SIPA1: variants seen among roughly 807,000 people sequenced by gnomAD.
SIPA1 encodes signal-induced proliferation-associated 1.
In SIPA1, 51 loss-of-function variants were observed where a neutral mutation model predicts 88.1. The observed-to-expected ratio is 0.58, with a 90% CI of 0.46 to 0.73. SIPA1 has a LOEUF of 0.73. Among genes scored for constraint, SIPA1 ranks in the 30% least tolerant of loss-of-function variants. The pLI is 0.00. For missense variants in SIPA1, 1,348 were observed against 1,467.6 expected, an observed-to-expected ratio of 0.92 and a Z score of 1.33; for synonymous variants, 681 against 664.8, an observed-to-expected ratio of 1.02 and a Z score of -0.37.
At position 65,646,039 on chromosome 11, in the gene SIPA1, C is replaced by A; in HGVS notation, c.1263+82C>A. The A allele has an allele frequency of 1.5e-6, 2 of 1,313,542 alleles. No homozygotes were observed. Among genetic ancestry groups the A allele is most frequent in the Non-Finnish European group, 2.1e-6 (2 of 935,224 alleles). The allele number at this position is 1,313,542 out of a possible 1,614,324, so 81.4% of individuals were successfully genotyped here. On this transcript the variant is annotated intron_variant, in intron 6 of 15. Coordinates refer to ENST00000534313, the MANE Select transcript of SIPA1 (RefSeq NM_006747.4). The surrounding 1 kb of genome is among the most constrained non-coding windows in gnomAD (Gnocchi z 7.5). Reference sequence around the variant, plus strand: ...TGGCCCATGACGTTTGAGCTTTGGCCGGAGCTCTGTTGGCCCCAACAGCCC... The same window carrying A: ...TGGCCCATGACGTTTGAGCTTTGGCAGGAGCTCTGTTGGCCCCAACAGCCC...
At chr11:65,649,728 C>G (rs1157403469) in intron 11 of SIPA1, 29 bp from the exon 12 acceptor site, 1 of 1,614,076 alleles carries the variant, frequency 6.2e-7, no homozygotes, top group South Asian at 1.1e-5. Flanking sequence ...GTGGGCATCA[C>G]TGAATCTGTA....
chr11:65,647,128 T>C (rs1856139933), intron 8 of SIPA1, 63 bp downstream of exon 8: 4 of 1,424,070 alleles, frequency 2.8e-6, no homozygotes, highest in Non-Finnish European at 2.7e-6. Flanking sequence ...TTTGGACCCC[T>C]CCCTCCCGCC....
chr11:65,642,129 C>G lies in SIPA1; in HGVS notation c.680-121C>G, dbSNP rs1229072624. On this transcript the variant is annotated intron_variant, in intron 2 of 15. Transcript: ENST00000534313. The surrounding 1 kb of genome is among the most constrained non-coding windows in gnomAD (Gnocchi z 6.5). ...GGGCTACAGAGGGGCGGGACTTAGT[C>G]TAGGGTCAACATTTGGTGGTGAGAT... The G allele has an allele frequency of 3.7e-6, 5 of 1,365,104 alleles. No individual in the cohort carries two copies. The Admixed American group carries it at 1.3e-4, about 36-fold the overall frequency. The allele number at this position is 1,365,104 out of a possible 1,614,324, so 84.6% of individuals were successfully genotyped here. A position where few individuals can be genotyped will look rare whatever the true frequency, so the allele number is the denominator to read the frequency against.
At chr11:65,644,517 A>C (rs1021495432) in intron 4 of SIPA1, among the ~76,000 whole-genome samples, 1 of 151,600 alleles carries the variant, frequency 6.6e-6, no homozygotes, top group Non-Finnish European at 1.5e-5. Context: ...AGTTCAGAGC[A>C]CCTTGAGCTG....
chr11:65,645,811 C>A, intron 5 of SIPA1, 43 bp from the exon 6 acceptor site: 1 of 1,444,210 alleles, frequency 6.9e-7, no homozygotes, highest in East Asian at 2.4e-5. Context: ...CACTTAGATT[C>A]CCCTTGTTTT....
intron 9 of SIPA1, 123 bp downstream of exon 9, chr11:65,647,781 G>T (rs1856162815): frequency 2.7e-6 from 2 of 742,620 alleles, no homozygotes; most frequent in Non-Finnish European, 3.6e-6. Context: ...CTTCTGGAAA[G>T]AATCTCCCGT....
chr11:65,645,265 T>A, intron 5 of SIPA1, 136 bp downstream of exon 5: 2 of 897,752 alleles, frequency 2.2e-6, no homozygotes, highest in Non-Finnish European at 3.4e-6. Context: ...AGGATCTGAG[T>A]CAGGGCTATG....
In SIPA1 at chr11:65,647,428, C is replaced by T. The variant is rs1856150028; in HGVS notation, c.2076C>T (p.Arg692=). The change falls in exon 9 of 16, where the codon CGC becomes CGT. Residue 692 remains arginine (R), a synonymous_variant. Coordinates refer to ENST00000534313, the MANE Select transcript of SIPA1 (RefSeq NM_006747.4). ...GCETRELALP[R]DGQGRLGFEV... ...AGACCCGCGAGCTGGCGCTGCCCCGCGACGGTCAAGGCCGCCTGGGCTTCG... is the reference window on the plus strand; with the variant it reads ...AGACCCGCGAGCTGGCGCTGCCCCGTGACGGTCAAGGCCGCCTGGGCTTCG... 1 of 1,478,412 alleles carries T rather than the reference C, an allele frequency of 6.8e-7. No individual in the cohort carries two copies. Among genetic ancestry groups the T allele is most frequent in the African/African-American group, 1.5e-5 (1 of 67,920 alleles). 91.6% of individuals were successfully genotyped at this position (1,478,412 alleles called of 1,614,324 possible). A position where few individuals can be genotyped will look rare whatever the true frequency, so the allele number is the denominator to read the frequency against.
At position 65,649,998 on chromosome 11, in the gene SIPA1, T is replaced by C; in HGVS notation, c.2795T>C (p.Ile932Thr). ...ACCCTGGAGGACGAGTGGCAGGCCA[T>C]CTCGGAGATTGCCTCTACTTGCAAC... is the stretch of plus-strand genomic sequence containing the variant. The part of the protein sequence containing the change: ...SGTLEDEWQA[I>T]SEIASTCNTI... The change falls in exon 13 of 16, where the codon ATC (isoleucine) becomes ACC (threonine). Residue 932 changes from isoleucine (I) to threonine (T), a missense_variant. Transcript: ENST00000534313. 6.2e-7 allele frequency: 1 copy of C among 1,613,970 alleles called. No individual in the cohort carries two copies. The highest frequency in any genetic ancestry group is 8.5e-7 in the Non-Finnish European group (1 of 1,179,990).
Position 65,642,236 on chromosome 11 carries a change from G to A in SIPA1, c.680-14G>A. The A allele has an allele frequency of 6.5e-7, 1 of 1,549,876 alleles. No individual in the cohort carries two copies. Among genetic ancestry groups the A allele is most frequent in the Middle Eastern group, 1.8e-4 (1 of 5,594 alleles). On this transcript the variant is annotated splice_polypyrimidine_tract_variant and intron_variant, in intron 2 of 15. Coordinates refer to ENST00000534313, the MANE Select transcript of SIPA1 (RefSeq NM_006747.4). This position sits in a 1 kb window ranked among gnomAD's most constrained non-coding sequence, Gnocchi z 6.5. ...AGGGCGGGACCAATCGTTTTCTTCG[G>A]CGCGGTCCCCCAGAACATCAGAACT...
rs1203819987 is a variant in SIPA1, at chr11:65,642,388, A to G, written c.807+11A>G. The G allele has an allele frequency of 1.3e-6, 2 of 1,587,298 alleles. No homozygotes were observed. The highest frequency in any genetic ancestry group is 1.8e-5 in the Admixed American group (1 of 56,378). On this transcript the variant is annotated intron_variant, in intron 3 of 15. Transcript: ENST00000534313. This position sits in a 1 kb window ranked among gnomAD's most constrained non-coding sequence, Gnocchi z 6.5. ...GTGCGGACCACGCAGGTGGGCCGGG[A>G]TCGCGGGATCAGGACGTGGGTTGCC...
intron 8 of SIPA1, 67 bp downstream of exon 8, chr11:65,647,132 TC>T: frequency 7.0e-7 from 1 of 1,422,634 alleles, no homozygotes; most frequent in Non-Finnish European, 9.2e-7. Flanking sequence ...GACCCCTCCC[TC>T]CCGCCGCCTT....
At position 65,650,861 on chromosome 11, in the gene SIPA1, T is replaced by G; in HGVS notation, c.*146T>G. On this transcript the variant is annotated 3_prime_UTR_variant, in exon 16 of 16. Coordinates refer to ENST00000534313, the MANE Select transcript of SIPA1 (RefSeq NM_006747.4). ...GCGGAAGTGGCCTCCACCCCTTCCC[T>G]GTTTGTAAATATTCTGTGGAGAAAA... The G allele has an allele frequency of 1.2e-6, 1 of 823,000 alleles. No homozygotes were observed. The highest frequency in any genetic ancestry group is 1.9e-5 in the South Asian group (1 of 51,380). 51.0% of individuals were successfully genotyped at this position (823,000 alleles called of 1,614,324 possible).
At position 65,650,864 on chromosome 11, in the gene SIPA1, T is replaced by C; in HGVS notation, c.*149T>C. On this transcript the variant is annotated 3_prime_UTR_variant, in exon 16 of 16. Coordinates refer to ENST00000534313, the MANE Select transcript of SIPA1 (RefSeq NM_006747.4). ...GAAGTGGCCTCCACCCCTTCCCTGTTTGTAAATATTCTGTGGAGAAAAGAG... is the reference window on the plus strand; with the variant it reads ...GAAGTGGCCTCCACCCCTTCCCTGTCTGTAAATATTCTGTGGAGAAAAGAG... The C allele has an allele frequency of 1.2e-6, 1 of 809,026 alleles. No homozygotes were observed. The highest frequency in any genetic ancestry group is 2.0e-5 in the South Asian group (1 of 51,152). The allele number at this position is 809,026 out of a possible 1,614,324, so 50.1% of individuals were successfully genotyped here.
Position 65,641,610 on chromosome 11 carries a change from G to C in SIPA1, c.679+10G>C. The C allele has an allele frequency of 6.3e-7, 1 of 1,596,448 alleles. No homozygotes were observed. The highest frequency in any genetic ancestry group is 2.2e-5 in the East Asian group (1 of 44,726). ...TACTTCTATGGCAAAGGTGAGGAAA[G>C]GCAGTTCCAGGGAGTGGAGGAGGGG... is the stretch of plus-strand genomic sequence containing the variant. On this transcript the variant is annotated intron_variant, in intron 2 of 15. Transcript: ENST00000534313.
chr11:65,647,525 G>T lies in SIPA1; in HGVS notation c.2173G>T (p.Gly725Trp), dbSNP rs1229102768. The T allele has an allele frequency of 7.3e-7, 1 of 1,362,290 alleles. No homozygotes were observed. The highest frequency in any genetic ancestry group is 9.4e-7 in the Non-Finnish European group (1 of 1,060,164). 84.4% of individuals were successfully genotyped at this position (1,362,290 alleles called of 1,614,324 possible). ...TFAETAGLRPGARLLRVCGQT... is the reference protein window; with the variant it reads ...TFAETAGLRPWARLLRVCGQT... ...CGCCGAGACGGCGGGGCTGCGGCCCGGGGCGCGCCTCCTGCGCGTGTGCGG... is the reference window on the plus strand; with the variant it reads ...CGCCGAGACGGCGGGGCTGCGGCCCTGGGCGCGCCTCCTGCGCGTGTGCGG... The change falls in exon 9 of 16, where the codon GGG becomes TGG. Residue 725 changes from glycine to tryptophan, a missense_variant. Coordinates refer to ENST00000534313, the MANE Select transcript of SIPA1 (RefSeq NM_006747.4).
chr11:65,649,704 G>A (rs1856219109), intron 11 of SIPA1, 32 bp downstream of exon 11: 11 of 1,613,994 alleles, frequency 6.8e-6, no homozygotes, highest in Non-Finnish European at 9.3e-6. Flanking sequence ...GAGCCCAACA[G>A]CACAGTGGTG....
intron 8 of SIPA1, 44 bp downstream of exon 8, chr11:65,647,109 G>A (rs377628965): frequency 2.8e-6 from 4 of 1,449,502 alleles, no homozygotes; most frequent in East Asian, 2.6e-5. Context: ...GCGGCGGGGC[G>A]GAGCCTGCTT....
Position 65,649,351 on chromosome 11 carries a change from C to T in SIPA1, c.2396C>T (p.Thr799Ile), listed in dbSNP as rs780076316. ...DPVQDEVQGV[T>I]LLPTTKQLLH... ...GTGCAGGATGAGGTCCAGGGGGTGA[C>T]CCTGCTGCCCACCACAAAGCAGCTG... is the stretch of plus-strand genomic sequence containing the variant. The change falls in exon 10 of 16, where the codon ACC (threonine) becomes ATC (isoleucine). Residue 799 changes from threonine (T) to isoleucine (I), a missense_variant. Thr to Ile is a moderately conservative substitution (Grantham distance 89). Coordinates refer to ENST00000534313, the MANE Select transcript of SIPA1 (RefSeq NM_006747.4). 15 of 1,562,788 alleles carry T rather than the reference C, an allele frequency of 9.6e-6. No individual in the cohort carries two copies. In the South Asian group the frequency reaches 1.5e-4, roughly 16 times the overall value.
Sources: gnomAD v4.1 joint callset for allele counts (sites outside exome capture counted in the v4.1 genomes callset) on GRCh38, gnomAD v4.1.1 for gene constraint, Gnocchi (gnomAD v3.1) non-coding constraint, MANE v1.5 for transcripts, NCBI Gene and HGNC (gene_info 2026-07-23, HGNC 2026-07-21) for gene names.